Variants in ERGIC2 observed in about 807,000 individuals in gnomAD.
ERGIC2 encodes the protein endoplasmic reticulum-Golgi intermediate compartment protein 2.
ERGIC2 carries 31 observed loss-of-function variants against 52.5 expected under a neutral mutation model. The ratio of observed to expected loss-of-function variants is 0.59; its 90% CI spans 0.44 to 0.80. ERGIC2 has a LOEUF of 0.80. Ranked by LOEUF, ERGIC2 falls within the 30% of genes least tolerant of loss-of-function variation. ERGIC2 has a pLI of 0.00. For missense variants in ERGIC2, 395 were observed against 455.2 expected, an observed-to-expected ratio of 0.87 and a Z score of 1.20; for synonymous variants, 129 against 140.6, an observed-to-expected ratio of 0.92 and a Z score of 0.58.
Position 29,340,652 on chromosome 12 carries a change from GTT to G in ERGIC2, c.*502_*503del, listed in dbSNP as rs879735798. 46 of 237,024 alleles carry G rather than the reference GTT, an allele frequency of 1.9e-4. No individual in the cohort carries two copies. The highest frequency in any genetic ancestry group is 5.3e-4 in the East Asian group (4 of 7,576). 14.7% of individuals were successfully genotyped at this position (237,024 alleles called of 1,614,324 possible). On this transcript the variant is annotated 3_prime_UTR_variant, in exon 14 of 14. Transcript: ENST00000360150. ...ATGGCTATAACATAGGGACTAGCCC[GTT>G]TTTTTTTTTTATTAACAATGTGACC...
At chr12:29,375,017 C>G (rs1940496046) in intron 1 of ERGIC2, among the ~76,000 whole-genome samples, 1 of 152,076 alleles carries the variant, frequency 6.6e-6, no homozygotes, top group Non-Finnish European at 1.5e-5. Context: ...CTCTTCAAAC[C>G]CAATCACTCA....
At chr12:29,378,686 A>G (rs558739577) in intron 1 of ERGIC2, among the ~76,000 whole-genome samples, 1 of 152,178 alleles carries the variant, frequency 6.6e-6, no homozygotes, top group Non-Finnish European at 1.5e-5. Flanking sequence ...TTACCCCAAC[A>G]TAATTCAAAT....
chr12:29,360,759 T>C (rs1940273599), intron 6 of ERGIC2, among the ~76,000 whole-genome samples: 1 of 151,504 alleles, frequency 6.6e-6, no homozygotes, highest in Non-Finnish European at 1.5e-5. Flanking sequence ...TTACTGCTAG[T>C]CAGTGGCATT....
At position 29,338,986 on chromosome 12, in the gene ERGIC2, G is replaced by T. The variant is rs189000953; in HGVS notation, c.*2170C>A. 6.6e-6 allele frequency: 1 copy of T among 152,278 alleles called. No individual in the cohort carries two copies. The highest frequency in any genetic ancestry group is 1.9e-4 in the East Asian group (1 of 5,174). The allele number at this position is 152,278 out of a possible 1,614,324, so 9.4% of individuals were successfully genotyped here. A position where few individuals can be genotyped will look rare whatever the true frequency, so the allele number is the denominator to read the frequency against. ...GGTGAGTAAAGTGCTCTCTGCAATAGAAAAGAATCACTTGGTGAGGCCAAA... is the reference window on the plus strand; with the variant it reads ...GGTGAGTAAAGTGCTCTCTGCAATATAAAAGAATCACTTGGTGAGGCCAAA... On this transcript the variant is annotated 3_prime_UTR_variant, in exon 14 of 14. Coordinates refer to ENST00000360150, the MANE Select transcript of ERGIC2 (RefSeq NM_016570.3).
chr12:29,350,184 GA>G, intron 8 of ERGIC2, 116 bp from the exon 9 acceptor site: 3 of 633,402 alleles, frequency 4.7e-6, no homozygotes, highest in South Asian at 2.2e-5. Flanking sequence ...AATAACATAA[GA>G]ATGCATTTGG....
At chr12:29,378,939 C>T (rs1299049863) in intron 1 of ERGIC2, among the ~76,000 whole-genome samples, 1 of 152,068 alleles carries the variant, frequency 6.6e-6, no homozygotes, top group Non-Finnish European at 1.5e-5. Flanking sequence ...ATATCTATTT[C>T]TAATTCTCTG....
In ERGIC2 at chr12:29,350,064, T is replaced by C. The variant is rs1940110917; in HGVS notation, c.577A>G (p.Ile193Val). Residue 193 changes from isoleucine (I) to valine (V), a missense_variant, in exon 9 of 14, where the codon ATT becomes GTT. By Grantham distance (29) the Ile-to-Val change is conservative (BLOSUM62 3). Transcript: ENST00000360150. ...GNFHITVGKA[I>V]PHPRGHAHLA... ...TGTGCATGACCACGAGGATGTGGAA[T>C]TGCCCTGAAAGGAGAAAAAACAATT... 1 of 1,600,708 alleles carries C rather than the reference T, an allele frequency of 6.2e-7. No homozygotes were observed. The highest frequency in any genetic ancestry group is 1.7e-5 in the Admixed American group (1 of 59,850).
At chr12:29,372,111 G>T (rs1011198856) in intron 1 of ERGIC2, among the ~76,000 whole-genome samples, 2 of 152,022 alleles carry the variant, frequency 1.3e-5, no homozygotes, top group Non-Finnish European at 1.5e-5. Context: ...AGGCCGAGGC[G>T]GGTGGATCAT....
rs1307418677 is a variant in ERGIC2, at chr12:29,338,938, T to C, written c.*2218A>G. On this transcript the variant is annotated 3_prime_UTR_variant, in exon 14 of 14. Coordinates refer to ENST00000360150, the MANE Select transcript of ERGIC2 (RefSeq NM_016570.3). ...TCCTGGCTGGAGGCACCTCCAGGCA[T>C]AGGGAAAGTTGCATAACAGGTAGGT... The C allele has an allele frequency of 6.6e-6, 1 of 152,172 alleles. No individual in the cohort carries two copies. Among genetic ancestry groups the C allele is most frequent in the South Asian group, 2.1e-4 (1 of 4,824 alleles). The allele number at this position is 152,172 out of a possible 1,614,324, so 9.4% of individuals were successfully genotyped here. A position where few individuals can be genotyped will look rare whatever the true frequency, so the allele number is the denominator to read the frequency against.
At chr12:29,362,701 T>C (rs542158347) in intron 5 of ERGIC2, among the ~76,000 whole-genome samples, 20 of 152,326 alleles carry the variant, frequency 1.3e-4, no homozygotes, top group African/African-American at 4.6e-4. Context: ...CTCCGGTAAC[T>C]GTGAGAGCCT....
At chr12:29,343,601 C>T (rs1278736591) in intron 11 of ERGIC2, among the ~76,000 whole-genome samples, 1 of 152,136 alleles carries the variant, frequency 6.6e-6, no homozygotes, top group African/African-American at 2.4e-5. Flanking sequence ...CATGCTATAA[C>T]TAAACTGCAA....
At chr12:29,350,097 T>C in intron 8 of ERGIC2, 29 bp from the exon 9 acceptor site, 1 of 1,321,320 alleles carries the variant, frequency 7.6e-7, no homozygotes, top group Non-Finnish European at 1.1e-6. Flanking sequence ...ATTATTAAAG[T>C]AGTACCATTT....
intron 6 of ERGIC2, among the ~76,000 whole-genome samples, chr12:29,360,480 T>C (rs1222893314): frequency 6.8e-6 from 1 of 147,978 alleles, no homozygotes; most frequent in Non-Finnish European, 1.5e-5. Context: ...TGTTTTTAAA[T>C]ATAACACATT....
chr12:29,353,428 C>T (rs1043426827), intron 8 of ERGIC2, among the ~76,000 whole-genome samples: 9 of 152,064 alleles, frequency 5.9e-5, no homozygotes, highest in African/African-American at 1.9e-4. Flanking sequence ...GTTGAATATC[C>T]CTTATCCAAA....
chr12:29,362,227 A>C (rs1940296796), intron 5 of ERGIC2, among the ~76,000 whole-genome samples: 1 of 152,212 alleles, frequency 6.6e-6, no homozygotes, highest in East Asian at 1.9e-4. Context: ...AGAGTCAGAG[A>C]AAAATATGCA....
rs767257187 is a variant in ERGIC2 at position 29,341,719 on chromosome 12, T to C, written c.1071+15A>G. ...AAGATTTAGAGATCAGCACCATGTA[T>C]ACTACACCACTTACAGAATTGACAG... On this transcript the variant is annotated intron_variant, in intron 13 of 13. Coordinates refer to ENST00000360150, the MANE Select transcript of ERGIC2 (RefSeq NM_016570.3). The C allele has an allele frequency of 7.3e-6, 10 of 1,370,538 alleles. No homozygotes were observed. The highest frequency in any genetic ancestry group is 9.4e-6 in the Non-Finnish European group (9 of 959,198). The allele number at this position is 1,370,538 out of a possible 1,614,324, so 84.9% of individuals were successfully genotyped here. A position where few individuals can be genotyped will look rare whatever the true frequency, so the allele number is the denominator to read the frequency against.
At position 29,370,171 on chromosome 12, in the gene ERGIC2, G is replaced by T; in HGVS notation, c.158C>A (p.Ser53Ter). 1 of 1,550,438 alleles carries T rather than the reference G, an allele frequency of 6.4e-7. No individual in the cohort carries two copies. ...TMALLTIMEF[S>*]VYQDTWMKYE... ...CTTCATCCATGTATCTTGATATACT[G>T]AGAATTCCATTATGGTTAATAAAGC... Residue 53 changes from serine (S) to a stop codon, truncating the protein, a stop_gained, in exon 3 of 14, where the codon TCA becomes TAA. Coordinates refer to ENST00000360150, the MANE Select transcript of ERGIC2 (RefSeq NM_016570.3). LOFTEE classifies it high-confidence loss of function.
At position 29,341,767 on chromosome 12, in the gene ERGIC2, A is replaced by G; in HGVS notation, c.1038T>C (p.Arg346=). 3 of 1,602,202 alleles carry G rather than the reference A, an allele frequency of 1.9e-6. No individual in the cohort carries two copies. The highest frequency in any genetic ancestry group is 2.6e-6 in the Non-Finnish European group (3 of 1,169,212). ...CAGGTTTATAGGATCCAAGTCTGAA[A>G]CGACAGCAAATTATTTCAACTATAA... ...GKFIVEIICC[R]FRLGSYKPVN... is the part of the protein sequence containing the mutation. The change falls in exon 13 of 14, where the codon CGT becomes CGC. Residue 346 remains arginine, a synonymous_variant. Transcript: ENST00000360150.
At chr12:29,377,785 G>T (rs1940534338) in intron 1 of ERGIC2, among the ~76,000 whole-genome samples, 1 of 152,136 alleles carries the variant, frequency 6.6e-6, no homozygotes, top group Non-Finnish European at 1.5e-5. Flanking sequence ...TGAATATAAT[G>T]AGACTATTAA....
Sources: allele counts gnomAD v4.1 joint callset (sites outside exome capture counted in the v4.1 genomes callset), GRCh38; gene constraint gnomAD v4.1.1; transcripts MANE v1.5; gene names NCBI Gene and HGNC (gene_info 2026-07-23, HGNC 2026-07-21).